Variants in PLPP3 observed in about 807,000 individuals in gnomAD.
PLPP3 encodes the protein phospholipid phosphatase 3.
In PLPP3, 6 loss-of-function variants were observed where a neutral mutation model predicts 29.6. That is an observed-to-expected ratio of 0.20 (90% confidence interval 0.11 to 0.40). PLPP3 has a LOEUF of 0.40. Among genes scored for constraint, PLPP3 ranks in the 10% least tolerant of loss-of-function variants. PLPP3 has a pLI of 1.00. For missense variants in PLPP3, 308 were observed against 407.7 expected (o/e 0.76, Z 2.11); for synonymous variants, 152 against 159.7 (o/e 0.95, Z 0.36).
At chr1:56,529,753 G>C (rs1645875376) in intron 2 of PLPP3, among the ~76,000 whole-genome samples, 1 of 152,130 alleles carries the variant, frequency 6.6e-6, no homozygotes, top group Non-Finnish European at 1.5e-5. Flanking sequence ...ATCATCTTCA[G>C]CCTTTTTCAG....
intron 1 of PLPP3, among the ~76,000 whole-genome samples, chr1:56,557,156 G>A (rs376322186): frequency 3.3e-5 from 5 of 151,400 alleles, no homozygotes; most frequent in African/African-American, 1.2e-4. Flanking sequence ...GAGGCGGGTG[G>A]ATCATGAGGT....
chr1:56,568,525 A>G (rs1557516880), intron 1 of PLPP3, among the ~76,000 whole-genome samples: 1 of 152,218 alleles, frequency 6.6e-6, no homozygotes, highest in Non-Finnish European at 1.5e-5. Flanking sequence ...AGATTTCATA[A>G]ATCTCCTATA....
chr1:56,500,148 C>T (rs1645657433), intron 5 of PLPP3, among the ~76,000 whole-genome samples: 1 of 152,182 alleles, frequency 6.6e-6, no homozygotes, highest in African/African-American at 2.4e-5. Context: ...TGAATGAATG[C>T]AATCAATAAA....
At chr1:56,532,948 C>G (rs537515393) in intron 2 of PLPP3, among the ~76,000 whole-genome samples, 1 of 152,240 alleles carries the variant, frequency 6.6e-6, no homozygotes, top group South Asian at 2.1e-4. Context: ...GGGGAGGAGA[C>G]AGCTACGGAA....
chr1:56,522,063 A>G (rs143930044), intron 4 of PLPP3, among the ~76,000 whole-genome samples: 91 of 152,314 alleles, frequency 6.0e-4, no homozygotes, highest in Non-Finnish European at 1.1e-3. Flanking sequence ...CAGTACAATG[A>G]AAAGAACATA....
chr1:56,546,700 G>A (rs1480163005), intron 1 of PLPP3, among the ~76,000 whole-genome samples: 1 of 152,218 alleles, frequency 6.6e-6, no homozygotes, highest in Admixed American at 6.5e-5. Context: ...ACAGGGATGT[G>A]AAACAAAGCC....
chr1:56,509,872 T>C (rs1345876822), intron 5 of PLPP3, among the ~76,000 whole-genome samples: 1 of 145,072 alleles, frequency 6.9e-6, no homozygotes, highest in Non-Finnish European at 1.5e-5. Context: ...ATGGGTAAAG[T>C]ATCAGAATGG....
chr1:56,564,147 A>G (rs1348595616), intron 1 of PLPP3, among the ~76,000 whole-genome samples: 1 of 152,158 alleles, frequency 6.6e-6, no homozygotes, highest in East Asian at 1.9e-4. Flanking sequence ...AAGCTCCACC[A>G]TTTTCTAGTC....
chr1:56,552,426 A>C (rs925379449), intron 1 of PLPP3, among the ~76,000 whole-genome samples: 6 of 152,182 alleles, frequency 3.9e-5, no homozygotes, highest in Admixed American at 3.9e-4. Context: ...AAAGGGCTTA[A>C]AAAAATTGAT....
At chr1:56,518,935 A>G (rs1383635446) in intron 4 of PLPP3, among the ~76,000 whole-genome samples, 1 of 151,974 alleles carries the variant, frequency 6.6e-6, no homozygotes, top group Non-Finnish European at 1.5e-5. Context: ...GCAAAGGGGC[A>G]TAGGGAGAAC....
chr1:56,516,171 T>G (rs1053544213), intron 4 of PLPP3, among the ~76,000 whole-genome samples: 1 of 152,158 alleles, frequency 6.6e-6, no homozygotes, highest in South Asian at 2.1e-4. Context: ...TTGGGATTGA[T>G]GAAAGGATAC....
At position 56,536,927 on chromosome 1, in the gene PLPP3, T is replaced by A. The variant is rs776212231; in HGVS notation, c.297+28A>T. On this transcript the variant is annotated intron_variant, in intron 2 of 5. Transcript: ENST00000371250. ...CAATACAGGAAGAAGTCAGACAGGA[T>A]CCACCATAGCAGAGTCTGGACACTT... 4 of 1,610,498 alleles carry A rather than the reference T, an allele frequency of 2.5e-6. No homozygotes were observed. The South Asian group carries it at 4.4e-5, about 18-fold the overall frequency.
intron 5 of PLPP3, among the ~76,000 whole-genome samples, chr1:56,511,487 A>T (rs1645740974): frequency 6.6e-6 from 1 of 152,112 alleles, no homozygotes; most frequent in Admixed American, 6.5e-5. Flanking sequence ...CAGAGGGAAG[A>T]GGAGGCATTT....
chr1:56,505,788 T>A (rs1230359512), intron 5 of PLPP3, among the ~76,000 whole-genome samples: 1 of 152,204 alleles, frequency 6.6e-6, no homozygotes, highest in Non-Finnish European at 1.5e-5. Context: ...CTGTTAGTAG[T>A]TTTAAGTTTT....
At chr1:56,549,395 T>C (rs1180290356) in intron 1 of PLPP3, among the ~76,000 whole-genome samples, 1 of 152,190 alleles carries the variant, frequency 6.6e-6, no homozygotes, top group Non-Finnish European at 1.5e-5. Flanking sequence ...GTAATAACTT[T>C]ATGTTATTAT....
At chr1:56,498,910 G>A (rs1645647267) in intron 5 of PLPP3, among the ~76,000 whole-genome samples, 1 of 152,204 alleles carries the variant, frequency 6.6e-6, no homozygotes, top group African/African-American at 2.4e-5. Flanking sequence ...GGGATTACAG[G>A]TGTGAGCCAC....
rs932134309 is a variant in PLPP3, at chr1:56,512,242, G to A, written c.634-90C>T. The A allele has an allele frequency of 1.4e-5, 17 of 1,219,054 alleles. No individual in the cohort carries two copies. The South Asian group carries it at 1.5e-4, about 11-fold the overall frequency. The allele number at this position is 1,219,054 out of a possible 1,614,324, so 75.5% of individuals were successfully genotyped here. ...CAGGTGACACACACTACATTTCTAC[G>A]AACAGGGATCATCTGGACCTTGGGT... On this transcript the variant is annotated intron_variant, in intron 4 of 5. Transcript: ENST00000371250.
intron 1 of PLPP3, among the ~76,000 whole-genome samples, chr1:56,548,744 G>C (rs920453596): frequency 6.6e-6 from 1 of 152,208 alleles, no homozygotes; most frequent in Non-Finnish European, 1.5e-5. Flanking sequence ...TGAGAGCACT[G>C]AGGATGCCCT....
intron 4 of PLPP3, among the ~76,000 whole-genome samples, chr1:56,517,842 A>G (rs1269535240): frequency 6.6e-6 from 1 of 152,200 alleles, no homozygotes; most frequent in Admixed American, 6.5e-5. Context: ...CAACCTCCAC[A>G]TTTGAAACAC....
Sources: allele counts gnomAD v4.1 joint callset (sites outside exome capture counted in the v4.1 genomes callset), GRCh38; gene constraint gnomAD v4.1.1; transcripts MANE v1.5; gene names NCBI Gene and HGNC (gene_info 2026-07-23, HGNC 2026-07-21).